Variants in BCAS3 observed in about 807,000 individuals in gnomAD.
BCAS3 encodes BCAS3 microtubule associated cell migration factor.
BCAS3 carries 53 observed loss-of-function variants against 116.1 expected under a neutral mutation model. The observed-to-expected ratio is 0.46, with a 90% CI of 0.37 to 0.57. The LOEUF (loss-of-function observed/expected upper bound fraction) is 0.57. BCAS3 is among the 20% of genes least tolerant of loss of function. The pLI, the probability that BCAS3 is intolerant of heterozygous loss-of-function variation, is 0.00. For synonymous variants in BCAS3, 391 were observed against 408.2 expected (o/e 0.96, Z 0.51); for missense variants, 917 against 1,165.4 (o/e 0.79, Z 3.10).
chr17:61,260,028 A>G (rs1243411254), intron 22 of BCAS3, among the ~76,000 whole-genome samples: 1 of 152,212 alleles, frequency 6.6e-6, no homozygotes, highest in East Asian at 1.9e-4. Context: ...GCATTAAGGT[A>G]GGTATTCTTA....
chr17:61,157,164 T>A (rs992533386), intron 22 of BCAS3, among the ~76,000 whole-genome samples: 1 of 152,182 alleles, frequency 6.6e-6, no homozygotes, highest in Non-Finnish European at 1.5e-5. Flanking sequence ...GATTTGGATA[T>A]CAAAAGATGT....
chr17:60,885,924 T>G (rs2056598382), intron 9 of BCAS3, among the ~76,000 whole-genome samples: 1 of 145,016 alleles, frequency 6.9e-6, no homozygotes, highest in Non-Finnish European at 1.5e-5. Context: ...TTATGTGTCT[T>G]GGAGTTGCTC....
At chr17:60,829,685 A>C (rs1173771210) in intron 7 of BCAS3, among the ~76,000 whole-genome samples, 1 of 152,116 alleles carries the variant, frequency 6.6e-6, no homozygotes. Context: ...CTGGGTCATA[A>C]GTTGTTCTCA....
rs148468211 is a variant in BCAS3, at chr17:61,293,171, T to C, written c.2426-75156T>C. 2.5e-4 allele frequency among the ~76,000 whole-genome samples: 38 copies of C among 152,324 alleles called. No homozygotes were observed. The East Asian group carries it at 5.2e-3, about 21-fold the overall frequency. On this transcript the variant is annotated intron_variant, in intron 22 of 23. Coordinates refer to ENST00000407086, the MANE Select transcript of BCAS3 (RefSeq NM_017679.5). Reference sequence around the variant, plus strand: ...CCAGTATGTTCGTAAAAATTATTACTGATGTAATCTTGAACAGGAGGTGGC... The same window carrying C: ...CCAGTATGTTCGTAAAAATTATTACCGATGTAATCTTGAACAGGAGGTGGC...
At chr17:60,726,183 C>G (rs2039824857) in intron 5 of BCAS3, among the ~76,000 whole-genome samples, 1 of 149,346 alleles carries the variant, frequency 6.7e-6, no homozygotes, top group African/African-American at 2.5e-5. Context: ...GCGTGAGCCA[C>G]TGCTCCCGGC....
intron 13 of BCAS3, among the ~76,000 whole-genome samples, chr17:60,937,287 T>C (rs925685298): frequency 4.0e-5 from 6 of 149,546 alleles, no homozygotes; most frequent in South Asian, 2.1e-4. Flanking sequence ...TTCTCTCTCT[T>C]TTTTTTTTCT....
intron 13 of BCAS3, among the ~76,000 whole-genome samples, chr17:60,925,011 T>G (rs371540016): frequency 2.0e-5 from 3 of 152,232 alleles, no homozygotes; most frequent in African/African-American, 7.2e-5. Context: ...ACTCTTAATT[T>G]TCTTTTCACA....
At chr17:61,298,608 C>T (rs374950151) in intron 22 of BCAS3, among the ~76,000 whole-genome samples, 27 of 152,002 alleles carry the variant, frequency 1.8e-4, no homozygotes, top group African/African-American at 6.5e-4. Context: ...GAGAGATCCT[C>T]GGGAAGGCCC....
chr17:60,688,751 G>A (rs2034421750), intron 3 of BCAS3, among the ~76,000 whole-genome samples: 2 of 151,638 alleles, frequency 1.3e-5, no homozygotes, highest in Admixed American at 1.3e-4. Flanking sequence ...GGGAGGTGGA[G>A]GGTACAGTGA....
At chr17:60,944,058 T>C (rs1207804871) in intron 13 of BCAS3, among the ~76,000 whole-genome samples, 1 of 151,844 alleles carries the variant, frequency 6.6e-6, no homozygotes, top group Non-Finnish European at 1.5e-5. Context: ...TAATCTAAGC[T>C]GCTCCCATAA....
rs1282082233 is a variant in BCAS3 at position 61,219,441 on chromosome 17, C to T, written c.2425+134877C>T. On this transcript the variant is annotated intron_variant, in intron 22 of 23. Transcript: ENST00000407086. This position sits in a 1 kb window ranked among gnomAD's most constrained non-coding sequence, Gnocchi z 5.2. ...GCCCATTGACTTGGTCTCTGTGTGC[C>T]CATATTACTGGTGCTGCCAGCTCAG... Among the ~76,000 whole-genome samples the T allele has an allele frequency of 1.3e-5, 2 of 151,972 alleles. No homozygotes were observed. Among genetic ancestry groups the T allele is most frequent in the African/African-American group, 2.4e-5 (1 of 41,368 alleles).
chr17:61,328,888 CTCT>C lies in BCAS3; in HGVS notation c.2426-39437_2426-39435del, dbSNP rs1373472038. On this transcript the variant is annotated intron_variant, in intron 22 of 23. Transcript: ENST00000407086. ...ACATGGCAGAGCATGAAGACGCAGG[CTCT>C]TTTTTTTTTTTTTTTTTTTTTGAGA... is the stretch of plus-strand genomic sequence containing the variant. Among the ~76,000 whole-genome samples, 5 of 145,586 alleles carry C rather than the reference CTCT, an allele frequency of 3.4e-5. No individual in the cohort carries two copies. In the East Asian group the frequency reaches 9.9e-4, roughly 29 times the overall value.
chr17:60,905,137 C>T (rs993358936), intron 11 of BCAS3, among the ~76,000 whole-genome samples: 6 of 151,992 alleles, frequency 3.9e-5, no homozygotes, highest in Non-Finnish European at 7.4e-5. Flanking sequence ...TGTCACAGTC[C>T]ATTTGGAATA....
At chr17:60,998,606 A>G (rs576422304) in intron 15 of BCAS3, among the ~76,000 whole-genome samples, 21 of 152,202 alleles carry the variant, frequency 1.4e-4, no homozygotes, top group African/African-American at 4.3e-4. Context: ...GCATTTTTAT[A>G]TGTGTATTGG....
intron 14 of BCAS3, among the ~76,000 whole-genome samples, chr17:60,983,134 T>A (rs558968008): frequency 6.6e-6 from 1 of 152,306 alleles, no homozygotes; most frequent in Admixed American, 6.5e-5. Context: ...GGTTGCCTAA[T>A]CTGTACATGG....
rs2076805515 is a variant in BCAS3, at chr17:61,139,368, C to G, written c.2425+54804C>G. On this transcript the variant is annotated intron_variant, in intron 22 of 23. Transcript: ENST00000407086. The surrounding 1 kb of genome is among the most constrained non-coding windows in gnomAD (Gnocchi z 4.7). ...TCTGGCCAAACGAGGTTCACAAATG[C>G]TGTTTTCATATTTGTGGTTTTGGTG... is the stretch of plus-strand genomic sequence containing the variant. Among the ~76,000 whole-genome samples, 2 of 152,092 alleles carry G rather than the reference C, an allele frequency of 1.3e-5. No individual in the cohort carries two copies. Among genetic ancestry groups the G allele is most frequent in the South Asian group, 4.1e-4 (2 of 4,820 alleles).
Position 60,873,175 on chromosome 17 carries a change from A to G in BCAS3, c.585-1487A>G, listed in dbSNP as rs576223318. Among the ~76,000 whole-genome samples, 95 of 152,274 alleles carry G rather than the reference A, an allele frequency of 6.2e-4. 1 individual carries two copies. Among genetic ancestry groups the G allele is most frequent in the Non-Finnish European group, 1.2e-3 (81 of 67,988 alleles). On this transcript the variant is annotated intron_variant, in intron 8 of 23. Transcript: ENST00000407086. ...ACCTTTTTGTGTATTCAGAGTACAC[A>G]TACACATATATAGCAAATTATCACT...
intron 22 of BCAS3, among the ~76,000 whole-genome samples, chr17:61,119,939 T>C (rs1328635781): frequency 6.6e-6 from 1 of 152,038 alleles, no homozygotes. Flanking sequence ...AGAAGAAAGA[T>C]ATAGAACCTA....
chr17:60,710,458 G>A (rs369029013), intron 5 of BCAS3, among the ~76,000 whole-genome samples: 7 of 145,954 alleles, frequency 4.8e-5, no homozygotes, highest in African/African-American at 1.8e-4. Context: ...TTGAGACAGA[G>A]TTTCACTCTG....
Sources: allele counts gnomAD v4.1 joint callset (sites outside exome capture counted in the v4.1 genomes callset), GRCh38; gene constraint gnomAD v4.1.1; non-coding constraint Gnocchi (gnomAD v3.1); transcripts MANE v1.5; gene names NCBI Gene and HGNC (gene_info 2026-07-23, HGNC 2026-07-21).